RAP1GAP2: variants seen among roughly 807,000 people sequenced by gnomAD.
RAP1GAP2 encodes rap1 GTPase-activating protein 2.
A neutral mutation model predicts 95.0 loss-of-function variants in RAP1GAP2; 27 were observed. That is an observed-to-expected ratio of 0.28 (90% CI 0.21 to 0.39). The LOEUF (loss-of-function observed/expected upper bound fraction) is 0.39. RAP1GAP2 is among the 10% of genes least tolerant of loss of function. The probability of loss-of-function intolerance (pLI) is 1.00; values close to 1 mark genes in which losing one functional copy is unlikely to be tolerated. For synonymous variants in RAP1GAP2, 373 were observed against 380.9 expected, an observed-to-expected ratio of 0.98 and a Z score of 0.24; for missense variants, 771 against 970.0, an observed-to-expected ratio of 0.79 and a Z score of 2.72.
chr17:2,887,672 G>GT (rs1238557651), intron 2 of RAP1GAP2, among the ~76,000 whole-genome samples: 9 of 137,126 alleles, frequency 6.6e-5, no homozygotes, highest in South Asian at 5.3e-4. Flanking sequence ...ACCGCGCTTG[G>GT]TTTTTTTGTT....
intron 3 of RAP1GAP2, among the ~76,000 whole-genome samples, chr17:2,941,102 G>A (rs1017519233): frequency 3.3e-5 from 5 of 152,184 alleles, no homozygotes; most frequent in Admixed American, 2.6e-4. Context: ...CCTGATTGAT[G>A]TTTCAAAAGA....
At chr17:2,998,566 C>T (rs943093855) in intron 14 of RAP1GAP2, among the ~76,000 whole-genome samples, 190 bp downstream of exon 14, 5 of 152,200 alleles carry the variant, frequency 3.3e-5, no homozygotes, top group East Asian at 1.9e-4. Flanking sequence ...TTGCTGCCTC[C>T]GGGCTCAATG....
At chr17:2,853,728 C>T (rs2071991927) in intron 2 of RAP1GAP2, among the ~76,000 whole-genome samples, 1 of 145,702 alleles carries the variant, frequency 6.9e-6, no homozygotes, top group Non-Finnish European at 1.5e-5. Flanking sequence ...CCGGCCCGGG[C>T]CGCGCCCCGA....
At chr17:2,889,889 A>ATATATATATATATATTTT (rs1408426152) in intron 2 of RAP1GAP2, among the ~76,000 whole-genome samples, 9 of 57,316 alleles carry the variant, frequency 1.6e-4, no homozygotes, top group African/African-American at 6.5e-4. Flanking sequence ...ATATATATAT[A>ATATATATATATATATTTT]TTTTTTTTTT....
At position 2,998,208 on chromosome 17, in the gene RAP1GAP2, A is replaced by G. The variant is rs765623437; in HGVS notation, c.1045-13A>G. On this transcript the variant is annotated splice_polypyrimidine_tract_variant and intron_variant, in intron 13 of 24. Coordinates refer to ENST00000254695, the MANE Select transcript of RAP1GAP2 (RefSeq NM_015085.5). Reference sequence around the variant, plus strand: ...CCTAACTGGCTTATAACCTCTCAACACTTTTTATTTAGCTCCAGAGAAAGA... The same window carrying G: ...CCTAACTGGCTTATAACCTCTCAACGCTTTTTATTTAGCTCCAGAGAAAGA... 1.2e-6 allele frequency: 2 copies of G among 1,612,476 alleles called. No individual in the cohort carries two copies. Among genetic ancestry groups the G allele is most frequent in the Non-Finnish European group, 1.7e-6 (2 of 1,178,690 alleles).
chr17:2,764,709 A>G (rs944890339), intron 1 of RAP1GAP2, among the ~76,000 whole-genome samples: 3 of 152,320 alleles, frequency 2.0e-5, no homozygotes, highest in African/African-American at 7.2e-5. Flanking sequence ...TGACAGAACG[A>G]GACTCCGTCT....
At chr17:2,925,930 G>C (rs62089744) in intron 3 of RAP1GAP2, among the ~76,000 whole-genome samples, 26,472 of 152,052 alleles carry the variant, frequency 0.17, 2,924 homozygotes, top group East Asian at 0.38. Context: ...CCTGAGGTCA[G>C]GAGTTTGAGA....
At chr17:2,788,099 A>G (rs960760131) in intron 1 of RAP1GAP2, among the ~76,000 whole-genome samples, 9 of 152,210 alleles carry the variant, frequency 5.9e-5, no homozygotes, top group Non-Finnish European at 1.2e-4. Flanking sequence ...TAACCTGTGC[A>G]ATAAATTTCT....
intron 2 of RAP1GAP2, among the ~76,000 whole-genome samples, chr17:2,882,100 A>G (rs955644358): frequency 1.4e-5 from 2 of 145,974 alleles, no homozygotes; most frequent in African/African-American, 5.1e-5. Flanking sequence ...GATTACAGGC[A>G]TGAGCCACTG....
intron 2 of RAP1GAP2, among the ~76,000 whole-genome samples, chr17:2,897,065 G>A (rs140123283): frequency 1.2e-4 from 18 of 152,348 alleles, no homozygotes; most frequent in South Asian, 2.1e-4. Flanking sequence ...GGCCAGGTGC[G>A]CTGGCTCACG....
intron 2 of RAP1GAP2, among the ~76,000 whole-genome samples, chr17:2,832,468 G>A (rs1163655442): frequency 1.4e-5 from 2 of 147,720 alleles, no homozygotes; most frequent in African/African-American, 2.5e-5. Flanking sequence ...TGAGGCAGGA[G>A]AATGGCGTGA....
At chr17:2,826,800 G>C (rs956707109) in intron 2 of RAP1GAP2, among the ~76,000 whole-genome samples, 1 of 152,116 alleles carries the variant, frequency 6.6e-6, no homozygotes, top group African/African-American at 2.4e-5. Flanking sequence ...GAGGTCAAGA[G>C]ATCGAGACCA....
At chr17:2,942,798 T>G (rs1370349878) in intron 3 of RAP1GAP2, among the ~76,000 whole-genome samples, 4 of 152,130 alleles carry the variant, frequency 2.6e-5, no homozygotes, top group Non-Finnish European at 5.9e-5. Context: ...GACGGAGTCT[T>G]GCTCTGTCAC....
At chr17:2,896,174 C>G (rs552398241) in intron 2 of RAP1GAP2, among the ~76,000 whole-genome samples, 1 of 152,280 alleles carries the variant, frequency 6.6e-6, no homozygotes, top group East Asian at 1.9e-4. Context: ...ACCCCACAGT[C>G]CATGTTTGGC....
At chr17:2,930,144 C>A (rs1036222220) in intron 3 of RAP1GAP2, among the ~76,000 whole-genome samples, 1 of 152,262 alleles carries the variant, frequency 6.6e-6, no homozygotes, top group African/African-American at 2.4e-5. Context: ...GCCTTGCAGT[C>A]AACTGCCTCA....
At position 2,903,791 on chromosome 17, in the gene RAP1GAP2, G is replaced by T. The variant is rs1195801791; in HGVS notation, c.81-1493G>T. Reference sequence around the variant, plus strand: ...TGGTCAACTGCAGGGGCAGGCAGGGGTACACATGACCCAGGCCTAGCCTGG... The same window carrying T: ...TGGTCAACTGCAGGGGCAGGCAGGGTTACACATGACCCAGGCCTAGCCTGG... On this transcript the variant is annotated intron_variant, in intron 2 of 24. Coordinates refer to ENST00000254695, the MANE Select transcript of RAP1GAP2 (RefSeq NM_015085.5). The surrounding 1 kb of genome is among the most constrained non-coding windows in gnomAD (Gnocchi z 4.1). Among the ~76,000 whole-genome samples the T allele has an allele frequency of 2.0e-5, 3 of 152,158 alleles. No individual in the cohort carries two copies. The highest frequency in any genetic ancestry group is 4.4e-5 in the Non-Finnish European group (3 of 68,034).
chr17:2,943,625 A>G (rs990828050), intron 3 of RAP1GAP2, among the ~76,000 whole-genome samples: 1 of 152,100 alleles, frequency 6.6e-6, no homozygotes, highest in Non-Finnish European at 1.5e-5. Context: ...AGATCGTACC[A>G]GTGCACTCCA....
At chr17:2,909,393 T>C (rs1409953286) in intron 3 of RAP1GAP2, among the ~76,000 whole-genome samples, 2 of 151,168 alleles carry the variant, frequency 1.3e-5, no homozygotes, top group East Asian at 3.9e-4. Flanking sequence ...CAGATGGCCG[T>C]GTGTTGAGGA....
chr17:2,950,061 C>CTTCTTCTTCTTCTTTT, intron 3 of RAP1GAP2, among the ~76,000 whole-genome samples: 1 of 141,296 alleles, frequency 7.1e-6, no homozygotes, highest in African/African-American at 2.7e-5. Flanking sequence ...TCTTCTTCTT[C>CTTCTTCTTCTTCTTTT]TTTTTTTTTT....
Sources: allele counts gnomAD v4.1 joint callset (sites outside exome capture counted in the v4.1 genomes callset), GRCh38; gene constraint gnomAD v4.1.1; non-coding constraint Gnocchi (gnomAD v3.1); transcripts MANE v1.5; gene names NCBI Gene and HGNC (gene_info 2026-07-23, HGNC 2026-07-21).